Variants in ZNF782 observed in about 807,000 individuals in gnomAD.
The protein encoded by ZNF782 is zinc finger protein 782.
ZNF782 carries 12 observed loss-of-function variants against 13.0 expected under a neutral mutation model. The observed-to-expected ratio is 0.92, with a 90% confidence interval of 0.59 to 1.50. ZNF782 has a LOEUF of 1.50. Among genes scored for constraint, ZNF782 ranks in the 40% most tolerant of loss-of-function variants. The probability of loss-of-function intolerance (pLI) is 0.00; values close to 1 mark genes in which losing one functional copy is unlikely to be tolerated. For synonymous variants in ZNF782, 284 were observed against 283.0 expected, an observed-to-expected ratio of 1.00 and a Z score of -0.04; for missense variants, 770 against 822.9, an observed-to-expected ratio of 0.94 and a Z score of 0.79.
chr9:96,864,877 T>TAA (rs35546553), intron 1 of ZNF782, among the ~76,000 whole-genome samples: 7,470 of 92,736 alleles, frequency 0.081, 806 homozygotes, highest in African/African-American at 0.25. Context: ...CAAAAAGAAC[T>TAA]AAAAAAAAAA....
At chr9:96,880,187 T>C (rs1851945851), upstream of ZNF782, among the ~76,000 whole-genome samples, 1 of 152,110 alleles carries the variant, frequency 6.6e-6, no homozygotes, top group African/African-American at 2.4e-5. Context: ...TTTTTTTTTT[T>C]AGATTCCTTG....
the ZNF782 span, among the ~76,000 whole-genome samples, chr9:96,903,590 T>G: frequency 9.2e-6 from 1 of 108,394 alleles, no homozygotes; most frequent in Non-Finnish European, 1.7e-5. Flanking sequence ...TGAGACAGAG[T>G]CTAGCTCTGT....
the ZNF782 span, among the ~76,000 whole-genome samples, chr9:96,905,873 C>T: frequency 2.0e-4 from 30 of 152,310 alleles, no homozygotes; most frequent in African/African-American, 6.7e-4. Context: ...CATGAGCCAC[C>T]GTGCCCGGCC....
At chr9:96,910,797 C>T in the ZNF782 span, among the ~76,000 whole-genome samples, 70 of 148,812 alleles carry the variant, frequency 4.7e-4, no homozygotes, top group African/African-American at 1.6e-3. Context: ...CCACGACACC[C>T]GGCTGATTTT....
At chr9:96,906,615 G>A in the ZNF782 span, among the ~76,000 whole-genome samples, 1 of 152,148 alleles carries the variant, frequency 6.6e-6, no homozygotes, top group Admixed American at 6.5e-5. Context: ...GATGCCTAGG[G>A]TAAGAGATGA....
chr9:96,885,813 C>CCCTTCCTT, the ZNF782 span, among the ~76,000 whole-genome samples: 1 of 151,382 alleles, frequency 6.6e-6, no homozygotes, highest in Non-Finnish European at 1.5e-5. Context: ...TCCTTCCTTC[C>CCCTTCCTT]CCTTCCTTCC....
intron 1 of ZNF782, among the ~76,000 whole-genome samples, chr9:96,862,129 T>G (rs1434780852): frequency 6.6e-6 from 1 of 152,248 alleles, no homozygotes; most frequent in Non-Finnish European, 1.5e-5. Context: ...GATGGAAATG[T>G]TAAGTGAAAT....
intron 1 of ZNF782, among the ~76,000 whole-genome samples, chr9:96,874,412 A>G (rs1042215885): frequency 5.9e-5 from 9 of 152,172 alleles, no homozygotes; most frequent in African/African-American, 2.2e-4. Context: ...GTGTCTTTCA[A>G]GAGTGGGAGT....
chr9:96,841,331 C>T (rs1353556023), intron 4 of ZNF782, among the ~76,000 whole-genome samples: 5 of 151,952 alleles, frequency 3.3e-5, no homozygotes, highest in African/African-American at 7.2e-5. Flanking sequence ...AGAATAAACA[C>T]CACTTCTATA....
the ZNF782 span, chr9:96,931,664 G>C: frequency 1.2e-6 from 2 of 1,601,678 alleles, no homozygotes; most frequent in Admixed American, 1.7e-5. Flanking sequence ...TGATTCCCCA[G>C]TGACTAGAGT....
At chr9:96,878,943 G>C (rs1377357828), upstream of ZNF782, among the ~76,000 whole-genome samples, 9 of 152,060 alleles carry the variant, frequency 5.9e-5, no homozygotes, top group Admixed American at 5.9e-4. Flanking sequence ...TTTGGTAACC[G>C]ATTTATAGAA....
chr9:96,875,510 A>C, exon 1 of ZNF782: 1 of 456,732 alleles, frequency 2.2e-6, no homozygotes, highest in Non-Finnish European at 4.4e-6. Context: ...CGGTCTCCAC[A>C]GCTCGGGGTC....
chr9:96,913,336 C>G, the ZNF782 span, among the ~76,000 whole-genome samples: 1 of 150,608 alleles, frequency 6.6e-6, no homozygotes, highest in African/African-American at 2.4e-5. Flanking sequence ...AAAATAAAAT[C>G]AAACCATTAG....
At chr9:96,831,194 G>A (rs984121411) in intron 4 of ZNF782, among the ~76,000 whole-genome samples, 1 of 152,196 alleles carries the variant, frequency 6.6e-6, no homozygotes, top group Non-Finnish European at 1.5e-5. Flanking sequence ...ATAGTAAAAG[G>A]AGTTGGGCTG....
At chr9:96,844,759 A>C in intron 4 of ZNF782, 131 bp downstream of exon 4, 7 of 1,240,560 alleles carry the variant, frequency 5.6e-6, no homozygotes, top group Non-Finnish European at 8.1e-6. Context: ...CCTCAATAAA[A>C]GTGACTAATA....
chr9:96,854,820 G>A (rs1851617291), upstream of ZNF782, among the ~76,000 whole-genome samples: 1 of 151,930 alleles, frequency 6.6e-6, no homozygotes, highest in African/African-American at 2.4e-5. Flanking sequence ...GAGACAATTG[G>A]GAAGCTGAAT....
intron 1 of ZNF782, among the ~76,000 whole-genome samples, chr9:96,872,892 C>A (rs1441564003): frequency 6.6e-6 from 1 of 152,016 alleles, no homozygotes; most frequent in Non-Finnish European, 1.5e-5. Flanking sequence ...AGAAAGGATT[C>A]CCAGGAATAG....
the ZNF782 span, among the ~76,000 whole-genome samples, chr9:96,921,473 CAG>C: frequency 7.0e-6 from 1 of 142,644 alleles, no homozygotes; most frequent in Non-Finnish European, 1.5e-5. Flanking sequence ...GCAGAGGTTG[CAG>C]AGAGCCGAGA....
the ZNF782 span, among the ~76,000 whole-genome samples, chr9:96,929,248 G>C: frequency 1.1e-4 from 17 of 152,224 alleles, no homozygotes; most frequent in African/African-American, 4.1e-4. Flanking sequence ...CAAGATGCCT[G>C]GGGGAATACA....
Sources: gnomAD v4.1 joint callset for allele counts (sites outside exome capture counted in the v4.1 genomes callset) on GRCh38, gnomAD v4.1.1 for gene constraint, MANE v1.5 for transcripts, NCBI Gene and HGNC (gene_info 2026-07-23, HGNC 2026-07-21) for gene names.